Variants in NAV2 observed in about 807,000 individuals in gnomAD.
NAV2 encodes the protein helicase, APC down-regulated 1.
A neutral mutation model predicts 223.2 loss-of-function variants in NAV2; 54 were observed. The observed-to-expected ratio is 0.24, with a 90% CI of 0.19 to 0.30. NAV2 has a LOEUF of 0.30. Ranked by LOEUF, NAV2 falls within the 10% of genes least tolerant of loss-of-function variation. NAV2 has a pLI of 1.00. For synonymous variants in NAV2, 1,279 were observed against 1,239.3 expected, an observed-to-expected ratio of 1.03 and a Z score of -0.67; for missense variants, 2,806 against 3,147.5, an observed-to-expected ratio of 0.89 and a Z score of 2.60.
Position 19,713,662 on chromosome 11 carries a change from G to T in NAV2, c.-34G>T. 3 of 1,506,190 alleles carry T rather than the reference G, an allele frequency of 2.0e-6. No homozygotes were observed. In the South Asian group the frequency reaches 4.1e-5, roughly 20 times the overall value. 93.3% of individuals were successfully genotyped at this position (1,506,190 alleles called of 1,614,324 possible). A position where few individuals can be genotyped will look rare whatever the true frequency, so the allele number is the denominator to read the frequency against. On this transcript the variant is annotated 5_prime_UTR_variant, in exon 1 of 38. Coordinates refer to ENST00000349880, the MANE Select transcript of NAV2 (RefSeq NM_145117.5). The surrounding 1 kb of genome is among the most constrained non-coding windows in gnomAD (Gnocchi z 7.2). ...CGGTCGCCCCCGCCGCCGCTGCCAG[G>T]GACGTGCTGGGAAAGCCCAAGCCCC...
At chr11:19,527,756 T>C (rs1300447869) in intron 1 of NAV2, among the ~76,000 whole-genome samples, 1 of 152,100 alleles carries the variant, frequency 6.6e-6, no homozygotes, top group Non-Finnish European at 1.5e-5. Flanking sequence ...TGTCTTAGGG[T>C]CCACACACTT....
intron 1 of NAV2, among the ~76,000 whole-genome samples, chr11:19,414,072 T>C (rs1850260210): frequency 6.6e-6 from 1 of 152,138 alleles, no homozygotes; most frequent in African/African-American, 2.4e-5. Flanking sequence ...CATAACAAGA[T>C]TAACCTTAAA....
chr11:19,400,131 A>G (rs1849622766), intron 1 of NAV2, among the ~76,000 whole-genome samples: 1 of 152,178 alleles, frequency 6.6e-6, no homozygotes, highest in African/African-American at 2.4e-5. Context: ...GAAAGTGTGA[A>G]TAAGGGGTAG....
At chr11:19,938,008 AAGG>A (rs2046063579) in intron 7 of NAV2, among the ~76,000 whole-genome samples, 1 of 152,214 alleles carries the variant, frequency 6.6e-6, no homozygotes, top group Non-Finnish European at 1.5e-5. Context: ...CGAACTAAGG[AAGG>A]AGGAGAAGGG....
chr11:19,350,145 A>G (rs2133692616), upstream of NAV2, among the ~76,000 whole-genome samples: 1 of 151,168 alleles, frequency 6.6e-6, no homozygotes, highest in South Asian at 2.1e-4. Flanking sequence ...TTGAAAGATA[A>G]CTCATTTCCA....
Position 19,387,636 on chromosome 11 carries a change from G to T in NAV2, c.75+36609G>T, listed in dbSNP as rs1215202268. ...GTTGCCAGGTCGCAGGCAGCACTGG[G>T]GACTTGACCCAGAGAGTCCCAGAGA... is the stretch of plus-strand genomic sequence containing the variant. On this transcript the variant is annotated intron_variant, in intron 1 of 37. Transcript: ENST00000360655. 2.0e-5 allele frequency among the ~76,000 whole-genome samples: 3 copies of T among 152,112 alleles called. No individual in the cohort carries two copies. The East Asian group carries it at 5.8e-4, about 29-fold the overall frequency.
In NAV2 at chr11:19,818,231, A is replaced by ATTTTT. The variant is rs34649376; in HGVS notation, c.268-14226_268-14222dup. Among the ~76,000 whole-genome samples the ATTTTT allele has an allele frequency of 9.5e-4, 53 of 56,040 alleles. 11 individuals carry two copies. Among genetic ancestry groups the ATTTTT allele is most frequent in the African/African-American group, 2.9e-3 (33 of 11,532 alleles). 36.8% of individuals were successfully genotyped at this position (56,040 alleles called of 152,430 possible). The stretch of plus-strand genomic sequence containing the variant: ...CTGTCCCACCTGTGTGTATTTAGTG[A>ATTTTT]TTTTTTTTTTTTTTTTTTTTTTTTT... On this transcript the variant is annotated intron_variant, in intron 1 of 37. Coordinates refer to ENST00000349880, the MANE Select transcript of NAV2 (RefSeq NM_145117.5).
chr11:19,737,904 T>C (rs1333750217), intron 1 of NAV2, among the ~76,000 whole-genome samples: 1 of 152,232 alleles, frequency 6.6e-6, no homozygotes, highest in African/African-American at 2.4e-5. Flanking sequence ...ACTGACAATC[T>C]GACAGCAAAG....
intron 11 of NAV2, among the ~76,000 whole-genome samples, chr11:20,019,780 T>C (rs1039318993): frequency 6.6e-6 from 1 of 151,980 alleles, no homozygotes; most frequent in Non-Finnish European, 1.5e-5. Flanking sequence ...AATCTGTCGA[T>C]GCTACCTGCT....
chr11:20,068,255 A>T, intron 21 of NAV2, 46 bp downstream of exon 21: 1 of 1,611,980 alleles, frequency 6.2e-7, no homozygotes, highest in South Asian at 1.1e-5. Context: ...AGTATTGTCA[A>T]TTATTTGACC....
intron 11 of NAV2, among the ~76,000 whole-genome samples, chr11:19,990,855 A>G (rs888127245): frequency 8.5e-5 from 13 of 152,326 alleles, no homozygotes; most frequent in Non-Finnish European, 1.2e-4. Context: ...AACAATTCCC[A>G]CACTGTAGAA....
chr11:19,424,838 A>T (rs1850762697), intron 1 of NAV2, among the ~76,000 whole-genome samples: 1 of 152,168 alleles, frequency 6.6e-6, no homozygotes, highest in Non-Finnish European at 1.5e-5. Flanking sequence ...GGCATAAGCC[A>T]CCGTGCCCGG....
At chr11:19,640,792 A>G (rs1404714200) in intron 1 of NAV2, among the ~76,000 whole-genome samples, 1 of 152,228 alleles carries the variant, frequency 6.6e-6, no homozygotes, top group African/African-American at 2.4e-5. Context: ...GAGATTCTCC[A>G]AACCTGGACA....
At chr11:19,729,284 C>G (rs906718608) in intron 1 of NAV2, among the ~76,000 whole-genome samples, 1 of 152,044 alleles carries the variant, frequency 6.6e-6, no homozygotes, top group African/African-American at 2.4e-5. Context: ...TGCAAGATCC[C>G]GAGAAAACAG....
chr11:19,620,599 C>T (rs2046961224), intron 1 of NAV2, among the ~76,000 whole-genome samples: 1 of 152,128 alleles, frequency 6.6e-6, no homozygotes, highest in Non-Finnish European at 1.5e-5. Context: ...GTGATTTTTG[C>T]ACATTGATTT....
intron 1 of NAV2, among the ~76,000 whole-genome samples, chr11:19,438,272 C>CTACA (rs1554932627): frequency 6.6e-6 from 1 of 152,198 alleles, no homozygotes; most frequent in Non-Finnish European, 1.5e-5. Context: ...TTATCCCAGT[C>CTACA]TACAGGTGAA....
chr11:19,613,944 A>C (rs998949842), intron 1 of NAV2, among the ~76,000 whole-genome samples: 2 of 152,206 alleles, frequency 1.3e-5, no homozygotes, highest in Non-Finnish European at 2.9e-5. Flanking sequence ...TGTAAAATGC[A>C]TGTGAGTTAT....
In NAV2 at chr11:20,080,185, AAAG is replaced by A; in HGVS notation, c.5311_5313del (p.Lys1771del). On this transcript the variant is annotated inframe_deletion, in exon 25 of 38. Transcript: ENST00000349880. ...TGGGCAGCAACATAGAGAGTGACTCAAAGAAGAAGAAGCGGAAGAACTGGGTGA... is the reference window on the plus strand; with the variant it reads ...TGGGCAGCAACATAGAGAGTGACTCAAAGAAGAAGCGGAAGAACTGGGTGA... 1 of 1,613,822 alleles carries A rather than the reference AAAG, an allele frequency of 6.2e-7. No individual in the cohort carries two copies. Among genetic ancestry groups the A allele is most frequent in the Non-Finnish European group, 8.5e-7 (1 of 1,179,772 alleles).
chr11:19,742,975 T>G (rs1182859088), intron 1 of NAV2, among the ~76,000 whole-genome samples: 2 of 152,208 alleles, frequency 1.3e-5, no homozygotes, highest in East Asian at 3.9e-4. Flanking sequence ...ATCCTGGGAA[T>G]TGAAGGTCCA....
Sources: allele counts gnomAD v4.1 joint callset (sites outside exome capture counted in the v4.1 genomes callset), GRCh38; gene constraint gnomAD v4.1.1; non-coding constraint Gnocchi (gnomAD v3.1); transcripts MANE v1.5; gene names NCBI Gene and HGNC (gene_info 2026-07-23, HGNC 2026-07-21).